Variants in WDR41 observed in about 807,000 individuals in gnomAD.
The protein encoded by WDR41 is WD repeat domain 41, also known as WD repeat-containing protein 41.
In WDR41, 63 loss-of-function variants were observed where a neutral mutation model predicts 69.3. The ratio of observed to expected loss-of-function variants is 0.91; its 90% CI spans 0.74 to 1.12. The LOEUF (loss-of-function observed/expected upper bound fraction) is 1.12, where lower values mean the gene tolerates loss of function less well. Ranked by LOEUF, WDR41 falls within the 50% of genes most tolerant of loss-of-function variation. The probability of loss-of-function intolerance (pLI) is 0.00; values close to 1 mark genes in which losing one functional copy is unlikely to be tolerated. For synonymous variants in WDR41, 185 were observed against 192.1 expected (o/e 0.96, Z 0.31); for missense variants, 543 against 534.5 (o/e 1.02, Z -0.16).
chr5:77,602,541 A>T (rs1486149657), intron 1 of WDR41, among the ~76,000 whole-genome samples: 1 of 152,148 alleles, frequency 6.6e-6, no homozygotes, highest in Non-Finnish European at 1.5e-5. Context: ...TTCACTTAAC[A>T]TCATGACCTC....
At chr5:77,460,519 C>A (rs1425594664) in intron 4 of WDR41, among the ~76,000 whole-genome samples, 3 of 152,066 alleles carry the variant, frequency 2.0e-5, no homozygotes, top group Admixed American at 6.6e-5. Context: ...AAATTATCTA[C>A]CTTCAGTATT....
At chr5:77,619,823 G>T (rs1210549110) in intron 1 of WDR41, among the ~76,000 whole-genome samples, 2 of 152,040 alleles carry the variant, frequency 1.3e-5, no homozygotes, top group Non-Finnish European at 2.9e-5. Context: ...GGAGCCCAGG[G>T]CTTCGCATAG....
At chr5:77,509,109 T>G (rs1802158204) in intron 1 of WDR41, among the ~76,000 whole-genome samples, 1 of 152,346 alleles carries the variant, frequency 6.6e-6, no homozygotes, top group Non-Finnish European at 1.5e-5. Context: ...GTGAACTAGC[T>G]GGCCTATGAT....
intron 1 of WDR41, among the ~76,000 whole-genome samples, chr5:77,502,410 G>T (rs1802032120): frequency 6.6e-6 from 1 of 152,126 alleles, no homozygotes; most frequent in Non-Finnish European, 1.5e-5. Flanking sequence ...GTACCTGAAA[G>T]TGATCGGGAG....
chr5:77,545,890 G>A (rs1012823404), intron 1 of WDR41: 2 of 534,650 alleles, frequency 3.7e-6, no homozygotes, highest in South Asian at 2.7e-5. Context: ...GGGGACAGAG[G>A]CTACTGGGGG....
intron 5 of WDR41, among the ~76,000 whole-genome samples, chr5:77,455,683 C>T (rs1211376286): frequency 1.3e-5 from 2 of 152,152 alleles, no homozygotes; most frequent in African/African-American, 4.8e-5. Context: ...CCAATTGACA[C>T]AGCATCATTT....
intron 2 of WDR41, among the ~76,000 whole-genome samples, chr5:77,465,042 G>A (rs1464387412): frequency 6.6e-6 from 1 of 152,158 alleles, no homozygotes; most frequent in East Asian, 1.9e-4. Flanking sequence ...TGCTAGAAAT[G>A]TAAAAATAAT....
At chr5:77,472,597 T>G (rs1161927509) in intron 2 of WDR41, among the ~76,000 whole-genome samples, 2 of 152,278 alleles carry the variant, frequency 1.3e-5, no homozygotes, top group East Asian at 1.9e-4. Flanking sequence ...AAAATCAATG[T>G]GCAAAAATCA....
intron 1 of WDR41, among the ~76,000 whole-genome samples, chr5:77,549,147 G>A (rs1743252240): frequency 6.6e-6 from 1 of 151,870 alleles, no homozygotes; most frequent in Non-Finnish European, 1.5e-5. Flanking sequence ...GGGGGAAAGG[G>A]GGTGAAGGAT....
chr5:77,498,599 G>A (rs1801968939), intron 1 of WDR41, among the ~76,000 whole-genome samples: 1 of 152,044 alleles, frequency 6.6e-6, no homozygotes, highest in Non-Finnish European at 1.5e-5. Context: ...TAGGAGGATT[G>A]CTTGAGCCCA....
intron 8 of WDR41, among the ~76,000 whole-genome samples, chr5:77,449,413 A>G (rs112278191): frequency 0.017 from 2,589 of 152,298 alleles, 66 homozygotes; most frequent in African/African-American, 0.056. Flanking sequence ...ACAAAAGGGC[A>G]TATTTCCAAT....
At chr5:77,472,507 T>C (rs1800672526) in intron 2 of WDR41, among the ~76,000 whole-genome samples, 1 of 151,730 alleles carries the variant, frequency 6.6e-6, no homozygotes, top group Admixed American at 6.6e-5. Context: ...GATGACATGA[T>C]TGTATATCTA....
chr5:77,592,140 TA>T (rs1561233363), intron 1 of WDR41, among the ~76,000 whole-genome samples: 1 of 152,194 alleles, frequency 6.6e-6, no homozygotes. Flanking sequence ...TATCTGGTAT[TA>T]CTGTCACCAG....
At chr5:77,458,933 A>G (rs1014873744) in intron 5 of WDR41, 129 bp downstream of exon 5, 4 of 598,884 alleles carry the variant, frequency 6.7e-6, no homozygotes, top group Non-Finnish European at 1.2e-5. Flanking sequence ...CACGAAGCAA[A>G]TGACTACAAG....
chr5:77,473,903 A>G (rs1800756713), intron 2 of WDR41, among the ~76,000 whole-genome samples: 1 of 152,190 alleles, frequency 6.6e-6, no homozygotes. Flanking sequence ...TAGAACTAGA[A>G]ATACCATTTG....
intron 1 of WDR41, among the ~76,000 whole-genome samples, chr5:77,564,223 G>T (rs890955948): frequency 6.6e-6 from 1 of 152,016 alleles, no homozygotes; most frequent in Non-Finnish European, 1.5e-5. Flanking sequence ...TCCTTGCACC[G>T]GAACCACTGA....
intron 2 of WDR41, among the ~76,000 whole-genome samples, chr5:77,467,202 AG>A (rs1249292664): frequency 5.3e-5 from 8 of 152,012 alleles, no homozygotes; most frequent in African/African-American, 1.9e-4. Context: ...ATGGAAGAAT[AG>A]TAATATTGCC....
At chr5:77,550,017 T>G (rs1743268046) in intron 1 of WDR41, among the ~76,000 whole-genome samples, 1 of 152,028 alleles carries the variant, frequency 6.6e-6, no homozygotes, top group Non-Finnish European at 1.5e-5. Context: ...CAGCAAATGG[T>G]GCTGAGATAG....
chr5:77,617,412 G>A (rs1744698339), intron 1 of WDR41, among the ~76,000 whole-genome samples: 1 of 151,976 alleles, frequency 6.6e-6, no homozygotes, highest in South Asian at 2.1e-4. Context: ...ACACACAGAT[G>A]CATTAAATCT....
Sources: gnomAD v4.1 joint callset for allele counts (sites outside exome capture counted in the v4.1 genomes callset) on GRCh38, gnomAD v4.1.1 for gene constraint, MANE v1.5 for transcripts, NCBI Gene and HGNC (gene_info 2026-07-23, HGNC 2026-07-21) for gene names.